The following GABRA3 variants were observed in gnomAD, a reference collection of about 807,000 sequenced individuals.
GABRA3 encodes gamma-aminobutyric acid receptor subunit alpha-3.
Under a neutral mutation model 30.1 loss-of-function variants are expected in GABRA3, and 10 were observed. The ratio of observed to expected loss-of-function variants is 0.33; its 90% confidence interval spans 0.20 to 0.56. The LOEUF (loss-of-function observed/expected upper bound fraction) is 0.56. GABRA3 is among the 20% of genes least tolerant of loss of function. GABRA3 has a pLI of 0.89. For synonymous variants in GABRA3, 151 were observed against 146.8 expected (o/e 1.03, Z -0.21); for missense variants, 233 against 392.0 (o/e 0.59, Z 3.42).
chrX:152,235,181 A>G lies in GABRA3; in HGVS notation c.552-10336T>C, dbSNP rs186909692. On this transcript the variant is annotated intron_variant, in intron 5 of 9. Transcript: ENST00000370314. ...GTAGTTTTCGTTGTTGAGATCTTTC[A>G]CCTCCTTGGTTAAACGTATTCCTAC... Among the ~76,000 whole-genome samples, 234 of 110,752 alleles carry G rather than the reference A, an allele frequency of 2.1e-3. 2 individuals are homozygous for G. Among genetic ancestry groups the G allele is most frequent in the African/African-American group, 7.5e-3 (228 of 30,496 alleles).
intron 2 of GABRA3, among the ~76,000 whole-genome samples, chrX:152,347,547 T>G (rs751885909): frequency 9.0e-6 from 1 of 111,637 alleles, no homozygotes; most frequent in Non-Finnish European, 1.9e-5. Flanking sequence ...ATGATGTGAT[T>G]ATTTCATATT....
At chrX:152,243,131 A>C (rs1475168109) in intron 5 of GABRA3, among the ~76,000 whole-genome samples, 6 of 111,461 alleles carry the variant, frequency 5.4e-5, no homozygotes, top group Non-Finnish European at 1.9e-5. Flanking sequence ...CTACAATCTC[A>C]TTTATATGTG....
At chrX:152,295,307 G>A (rs1043722613) in intron 3 of GABRA3, among the ~76,000 whole-genome samples, 1 of 112,466 alleles carries the variant, frequency 8.9e-6, no homozygotes, top group African/African-American at 3.2e-5. Flanking sequence ...TAGAGGTGGA[G>A]ACTACAGAGG....
At chrX:152,252,388 T>G (rs941087350) in intron 5 of GABRA3, among the ~76,000 whole-genome samples, 1 of 111,515 alleles carries the variant, frequency 9.0e-6, no homozygotes, top group African/African-American at 3.3e-5. Flanking sequence ...GCAGCTACAC[T>G]ACCATATTAA....
At chrX:152,419,541 A>G (rs1664008545) in intron 1 of GABRA3, among the ~76,000 whole-genome samples, 1 of 111,095 alleles carries the variant, frequency 9.0e-6, no homozygotes, top group Non-Finnish European at 1.9e-5. Flanking sequence ...TTGAAAACAT[A>G]ACTTAAAACT....
intron 3 of GABRA3, among the ~76,000 whole-genome samples, chrX:152,311,513 T>C (rs2124460236): frequency 8.9e-6 from 1 of 111,982 alleles, no homozygotes; most frequent in South Asian, 3.7e-4. Context: ...TTCCTTCATG[T>C]TAAAACCTCA....
chrX:152,403,696 C>T (rs1388552923), intron 1 of GABRA3, among the ~76,000 whole-genome samples: 1 of 110,104 alleles, frequency 9.1e-6, no homozygotes, highest in Non-Finnish European at 1.9e-5. Flanking sequence ...TTCTTAACCC[C>T]TGTCAGAATT....
intron 5 of GABRA3, among the ~76,000 whole-genome samples, chrX:152,247,926 A>G (rs972264240): frequency 9.0e-6 from 1 of 111,286 alleles, no homozygotes; most frequent in Non-Finnish European, 1.9e-5. Context: ...TTCTCCTATA[A>G]TGAGTTTTTG....
chrX:152,182,943 C>A (rs1255094125), intron 9 of GABRA3, among the ~76,000 whole-genome samples: 1 of 102,010 alleles, frequency 9.8e-6, no homozygotes, highest in Non-Finnish European at 2.0e-5. Context: ...TTTTAATGTA[C>A]TGTTAACTTT....
intron 3 of GABRA3, among the ~76,000 whole-genome samples, chrX:152,293,458 C>T (rs1321499696): frequency 9.0e-6 from 1 of 110,934 alleles, no homozygotes. Flanking sequence ...TGTCTCTGCA[C>T]GTGAGATGGG....
At chrX:152,417,774 A>C (rs1930268728) in intron 1 of GABRA3, among the ~76,000 whole-genome samples, 1 of 99,275 alleles carries the variant, frequency 1.0e-5, no homozygotes, top group Non-Finnish European at 2.0e-5. Flanking sequence ...CTATCACAAG[A>C]ACAAAAAACC....
intron 4 of GABRA3, among the ~76,000 whole-genome samples, chrX:152,265,983 G>A (rs991367169): frequency 9.0e-5 from 10 of 111,007 alleles, no homozygotes; most frequent in African/African-American, 3.3e-4. Context: ...TGTGATCAAA[G>A]CCATAATAAA....
intron 1 of GABRA3, among the ~76,000 whole-genome samples, chrX:152,385,098 A>G (rs1016158512): frequency 8.9e-6 from 1 of 111,895 alleles, no homozygotes; most frequent in African/African-American, 3.2e-5. Context: ...AAAAAAATTT[A>G]AAGTCTCATA....
At chrX:152,399,483 C>A (rs2069448215) in intron 1 of GABRA3, among the ~76,000 whole-genome samples, 1 of 111,433 alleles carries the variant, frequency 9.0e-6, no homozygotes, top group African/African-American at 3.3e-5. Flanking sequence ...AGCCAAAGAT[C>A]ATACTAGGCT....
chrX:152,445,960 T>TA (rs1419219168), intron 1 of GABRA3, among the ~76,000 whole-genome samples: 1 of 112,044 alleles, frequency 8.9e-6, no homozygotes, highest in Non-Finnish European at 1.9e-5. Context: ...TTGGAGGACC[T>TA]GGGAAAGGCA....
At chrX:152,197,279 C>T (rs1359205636) in intron 8 of GABRA3, among the ~76,000 whole-genome samples, 1 of 111,615 alleles carries the variant, frequency 9.0e-6, no homozygotes. Context: ...CTTAACAAAG[C>T]CCCCAATCCA....
intron 1 of GABRA3, among the ~76,000 whole-genome samples, chrX:152,387,767 T>C (rs759088189): frequency 2.7e-5 from 3 of 111,683 alleles, no homozygotes; most frequent in African/African-American, 9.8e-5. Context: ...GAACAAAAGC[T>C]TTTTAAAAAA....
At chrX:152,232,655 G>A (rs908778501) in intron 5 of GABRA3, among the ~76,000 whole-genome samples, 1 of 107,530 alleles carries the variant, frequency 9.3e-6, no homozygotes, top group Non-Finnish European at 1.9e-5. Flanking sequence ...ATGTAACATT[G>A]TGTATATATA....
chrX:152,212,328 AAAAT>A lies in GABRA3; in HGVS notation c.635-4188_635-4185del, dbSNP rs1458720629. Among the ~76,000 whole-genome samples, 69 of 31,001 alleles carry A rather than the reference AAAAT, an allele frequency of 2.2e-3. 22 individuals carry two copies. Among genetic ancestry groups the A allele is most frequent in the African/African-American group, 3.0e-3 (30 of 9,980 alleles). 26.9% of individuals were successfully genotyped at this position (31,001 alleles called of 115,157 possible). ...AAAAAAAAAAAAAAAAAAAAAAAAA[AAAAT>A]TCCAAATTGCCTACCCTAAGAACTA... On this transcript the variant is annotated intron_variant, in intron 6 of 9. Coordinates refer to ENST00000370314, the MANE Select transcript of GABRA3 (RefSeq NM_000808.4).
Sources: allele counts gnomAD v4.1 joint callset (sites outside exome capture counted in the v4.1 genomes callset), GRCh38; gene constraint gnomAD v4.1.1; transcripts MANE v1.5; gene names NCBI Gene and HGNC (gene_info 2026-07-23, HGNC 2026-07-21).